The following GRAMD1B variants were observed in gnomAD, a reference collection of about 807,000 sequenced individuals.
GRAMD1B encodes the protein GRAM domain containing 1B.
GRAMD1B carries 37 observed loss-of-function variants against 99.7 expected under a neutral mutation model. That is an observed-to-expected ratio of 0.37 (90% CI 0.29 to 0.49). The LOEUF is 0.49. Ranked by LOEUF, GRAMD1B falls within the 20% of genes least tolerant of loss-of-function variation. The pLI is 0.98. For synonymous variants in GRAMD1B, 427 were observed against 387.6 expected (o/e 1.10, Z -1.19); for missense variants, 888 against 1,009.2 (o/e 0.88, Z 1.63).
chr11:123,587,216 G>A lies in GRAMD1B; in HGVS notation c.684+2884G>A, dbSNP rs1301847292. On this transcript the variant is annotated intron_variant, in intron 4 of 19. Transcript: ENST00000635736. The surrounding 1 kb of genome is among the most constrained non-coding windows in gnomAD (Gnocchi z 4.2). Reference sequence around the variant, plus strand: ...GCTTGGTCTAAAGAGTGAGTCATGCGGAGGCAAGTGGCTGGACCCCAGGGA... The same window carrying A: ...GCTTGGTCTAAAGAGTGAGTCATGCAGAGGCAAGTGGCTGGACCCCAGGGA... Among the ~76,000 whole-genome samples, 1 of 152,200 alleles carries A rather than the reference G, an allele frequency of 6.6e-6. No homozygotes were observed. Among genetic ancestry groups the A allele is most frequent in the South Asian group, 2.1e-4 (1 of 4,834 alleles).
rs147775112 is a variant in GRAMD1B, at chr11:123,595,594, A to G, written c.874-348A>G. 4.1e-3 allele frequency among the ~76,000 whole-genome samples: 627 copies of G among 152,210 alleles called. 4 individuals are homozygous for G. Among genetic ancestry groups the G allele is most frequent in the South Asian group, 0.014 (68 of 4,808 alleles). On this transcript the variant is annotated intron_variant, in intron 6 of 19. Coordinates refer to ENST00000635736, the MANE Select transcript of GRAMD1B (RefSeq NM_001387025.1). ...CAGATGTGAGCCCTGTGCCCAGCCT[A>G]ACTAGATGATTTATATGGCCACATC...
intron 1 of GRAMD1B, among the ~76,000 whole-genome samples, chr11:123,405,222 A>AAG (rs558941764): frequency 6.4e-5 from 9 of 141,610 alleles, no homozygotes; most frequent in Admixed American, 7.1e-5. Context: ...GTGTGTGTGA[A>AAG]AGAGAGAGAG....
At chr11:123,387,817 T>G (rs1947122399) in intron 1 of GRAMD1B, among the ~76,000 whole-genome samples, 1 of 151,180 alleles carries the variant, frequency 6.6e-6, no homozygotes, top group Non-Finnish European at 1.5e-5. Context: ...AGATTATATG[T>G]GATTATTTAA....
At chr11:123,573,455 CCCACTGTCTTT>C (rs1790154474) in intron 2 of GRAMD1B, among the ~76,000 whole-genome samples, 1 of 152,188 alleles carries the variant, frequency 6.6e-6, no homozygotes, top group African/African-American at 2.4e-5. Context: ...CACCCAGCTA[CCCACTGTCTTT>C]CCATCTGTGC....
intron 1 of GRAMD1B, among the ~76,000 whole-genome samples, chr11:123,376,525 G>T (rs1188569313): frequency 2.0e-5 from 3 of 152,160 alleles, no homozygotes; most frequent in Admixed American, 2.0e-4. Flanking sequence ...TTTGAATTCT[G>T]ATACAGACAA....
intron 2 of GRAMD1B, among the ~76,000 whole-genome samples, chr11:123,495,805 C>T (rs1939187886): frequency 6.6e-6 from 1 of 151,650 alleles, no homozygotes; most frequent in Admixed American, 6.6e-5. Context: ...CTGATGACAG[C>T]TTAACACTGA....
chr11:123,590,580 C>T (rs1950546833), intron 4 of GRAMD1B, among the ~76,000 whole-genome samples: 1 of 152,182 alleles, frequency 6.6e-6, no homozygotes. Context: ...TCTTCCCACC[C>T]ACCTGCCCTG....
At chr11:123,548,349 C>CATAT (rs142360908) in intron 2 of GRAMD1B, among the ~76,000 whole-genome samples, 1,156 of 107,614 alleles carry the variant, frequency 0.011, 37 homozygotes, top group African/African-American at 0.048. Context: ...CACACACACA[C>CATAT]ATATATATAT....
chr11:123,397,954 T>TTGGG (rs1192058306), intron 1 of GRAMD1B, among the ~76,000 whole-genome samples: 1 of 152,260 alleles, frequency 6.6e-6, no homozygotes, highest in Admixed American at 6.5e-5. Flanking sequence ...ATTCCATTGT[T>TTGGG]TGGGTATACC....
chr11:123,544,535 C>T (rs924106029), intron 2 of GRAMD1B, among the ~76,000 whole-genome samples: 2 of 152,212 alleles, frequency 1.3e-5, no homozygotes, highest in African/African-American at 4.8e-5. Flanking sequence ...TTGACCCCAC[C>T]CCTCCTCCTG....
intron 1 of GRAMD1B, among the ~76,000 whole-genome samples, chr11:123,409,503 T>C (rs1322377861): frequency 6.6e-6 from 1 of 152,206 alleles, no homozygotes; most frequent in Admixed American, 6.5e-5. Flanking sequence ...CTGGTGTCTG[T>C]CTTTCCTGCC....
At chr11:123,562,425 G>T (rs1946874041) in intron 2 of GRAMD1B, among the ~76,000 whole-genome samples, 1 of 152,186 alleles carries the variant, frequency 6.6e-6, no homozygotes, top group South Asian at 2.1e-4. Context: ...GGCCTTGTGG[G>T]CCGGGCTGTC....
upstream of GRAMD1B, among the ~76,000 whole-genome samples, chr11:123,429,480 G>C (rs150828486): frequency 7.9e-5 from 12 of 152,288 alleles, no homozygotes; most frequent in East Asian, 2.3e-3. This position sits in a 1 kb window ranked among gnomAD's most constrained non-coding sequence, Gnocchi z 4.0. Flanking sequence ...CTGTGACTCA[G>C]TCCATGGCAG....
chr11:123,541,796 GTT>G (rs1383334544), intron 2 of GRAMD1B, among the ~76,000 whole-genome samples: 2 of 152,122 alleles, frequency 1.3e-5, no homozygotes, highest in Non-Finnish European at 2.9e-5. Flanking sequence ...TCCTCCTGAA[GTT>G]TAAGAGTATA....
chr11:123,407,956 G>A (rs1249908194), intron 1 of GRAMD1B, among the ~76,000 whole-genome samples: 3 of 152,204 alleles, frequency 2.0e-5, no homozygotes, highest in Middle Eastern at 3.2e-3. Flanking sequence ...CTAAAGTGAT[G>A]AGGTTTTTTG....
chr11:123,387,387 G>A (rs57436493), intron 1 of GRAMD1B, among the ~76,000 whole-genome samples: 2 of 152,090 alleles, frequency 1.3e-5, no homozygotes, highest in African/African-American at 4.8e-5. Context: ...ATGTACATGA[G>A]GCCCAGTGTT....
At chr11:123,560,281 G>C in intron 2 of GRAMD1B, 6 of 1,138,628 alleles carry the variant, frequency 5.3e-6, no homozygotes, top group Non-Finnish European at 6.6e-6. Flanking sequence ...ACAGCTGTCT[G>C]TGAGGGAGTC....
chr11:123,498,858 G>A (rs534888886), intron 2 of GRAMD1B, among the ~76,000 whole-genome samples: 2 of 152,320 alleles, frequency 1.3e-5, no homozygotes, highest in African/African-American at 4.8e-5. Context: ...TATATCCCAA[G>A]TGATTCTGAT....
chr11:123,515,772 C>CT (rs1941612788), intron 2 of GRAMD1B, among the ~76,000 whole-genome samples: 1 of 141,110 alleles, frequency 7.1e-6, no homozygotes, highest in Non-Finnish European at 1.6e-5. Flanking sequence ...TATATTCAAA[C>CT]CTTTTTTTTT....
Sources: gnomAD v4.1 joint callset for allele counts (sites outside exome capture counted in the v4.1 genomes callset) on GRCh38, gnomAD v4.1.1 for gene constraint, Gnocchi (gnomAD v3.1) non-coding constraint, MANE v1.5 for transcripts, NCBI Gene and HGNC (gene_info 2026-07-23, HGNC 2026-07-21) for gene names.